Variants in DYM observed in about 807,000 individuals in gnomAD.
DYM encodes the protein dymeclin.
DYM carries 78 observed loss-of-function variants against 93.1 expected under a neutral mutation model. The observed-to-expected ratio is 0.84, with a 90% CI of 0.70 to 1.01. The LOEUF is 1.01. DYM is among the 50% of genes least tolerant of loss of function. The pLI, the probability that DYM is intolerant of heterozygous loss-of-function variation, is 0.00. For missense variants in DYM, 789 were observed against 845.0 expected (o/e 0.93, Z 0.82); for synonymous variants, 321 against 319.7 (o/e 1.00, Z -0.04).
chr18:49,180,122 C>A (rs1318140978), intron 14 of DYM, among the ~76,000 whole-genome samples: 1 of 151,946 alleles, frequency 6.6e-6, no homozygotes, highest in Non-Finnish European at 1.5e-5. Flanking sequence ...AACAAACAGT[C>A]CCAGATTAAA....
At chr18:49,411,057 G>A (rs1169097402) in intron 2 of DYM, among the ~76,000 whole-genome samples, 2 of 152,066 alleles carry the variant, frequency 1.3e-5, no homozygotes, top group South Asian at 2.1e-4. Context: ...GAAGTTGACC[G>A]AGGAAATGGG....
At chr18:49,140,863 T>C (rs957250690) in intron 15 of DYM, among the ~76,000 whole-genome samples, 2 of 152,228 alleles carry the variant, frequency 1.3e-5, no homozygotes, top group African/African-American at 4.8e-5. Flanking sequence ...CTTGTCAGTT[T>C]ATACTATTCA....
intron 17 of DYM, among the ~76,000 whole-genome samples, chr18:49,046,273 GAC>G (rs56961868): frequency 0.53 from 78,004 of 147,222 alleles, 23,144 homozygotes; most frequent in Admixed American, 0.67. Context: ...CATATACACA[GAC>G]ACAGACAACA....
At chr18:49,161,787 G>A (rs1474307248) in intron 15 of DYM, among the ~76,000 whole-genome samples, 1 of 152,182 alleles carries the variant, frequency 6.6e-6, no homozygotes, top group Non-Finnish European at 1.5e-5. Flanking sequence ...GGCTGTGGCT[G>A]CACACAGCTA....
intron 14 of DYM, among the ~76,000 whole-genome samples, chr18:49,205,479 TATAAC>T (rs1388454640): frequency 1.2e-4 from 18 of 152,224 alleles, no homozygotes; most frequent in African/African-American, 2.4e-4. Context: ...AAAAAATACA[TATAAC>T]ATAACTATAA....
chr18:49,349,501 T>C (rs2147138672), intron 6 of DYM, among the ~76,000 whole-genome samples: 1 of 152,226 alleles, frequency 6.6e-6, no homozygotes, highest in East Asian at 1.9e-4. Flanking sequence ...CAAAGTGCAA[T>C]TAGGTCAACT....
At chr18:49,137,626 T>C (rs1487775671) in intron 15 of DYM, among the ~76,000 whole-genome samples, 3 of 152,168 alleles carry the variant, frequency 2.0e-5, no homozygotes, top group Admixed American at 2.0e-4. Context: ...TAGCATTGGA[T>C]AAAGGGTGGC....
intron 11 of DYM, among the ~76,000 whole-genome samples, chr18:49,264,890 G>C (rs948959751): frequency 2.0e-5 from 3 of 152,092 alleles, no homozygotes; most frequent in Non-Finnish European, 4.4e-5. Context: ...TCTATAATCT[G>C]GAGAACAGAA....
At chr18:49,210,048 T>C (rs1365742097) in intron 13 of DYM, among the ~76,000 whole-genome samples, 2 of 152,224 alleles carry the variant, frequency 1.3e-5, no homozygotes, top group African/African-American at 4.8e-5. Flanking sequence ...ATCCAGAGCA[T>C]GGATTACACC....
At chr18:49,432,329 C>CAAAAAAA (rs11429840) in intron 1 of DYM, among the ~76,000 whole-genome samples, 43 of 75,794 alleles carry the variant, frequency 5.7e-4, no homozygotes, top group Non-Finnish European at 8.9e-4. Flanking sequence ...AAGACTGTCT[C>CAAAAAAA]AAAAAAAAAA....
At chr18:49,161,123 A>C (rs2087067585) in intron 15 of DYM, among the ~76,000 whole-genome samples, 1 of 152,138 alleles carries the variant, frequency 6.6e-6, no homozygotes, top group African/African-American at 2.4e-5. Context: ...GACAGATTCC[A>C]AATGGAATTT....
At chr18:49,289,737 A>ATG (rs2059930321) in intron 8 of DYM, among the ~76,000 whole-genome samples, 3 of 21,382 alleles carry the variant, frequency 1.4e-4, no homozygotes, top group African/African-American at 2.9e-4. Context: ...GTATATATAT[A>ATG]TATATATATA....
In DYM at chr18:49,043,754, G is replaced by A; in HGVS notation, c.*301C>T. The A allele has an allele frequency of 2.5e-6, 1 of 405,510 alleles. No individual in the cohort carries two copies. Among genetic ancestry groups the A allele is most frequent in the South Asian group, 2.3e-5 (1 of 43,162 alleles). 25.1% of individuals were successfully genotyped at this position (405,510 alleles called of 1,614,324 possible). On this transcript the variant is annotated 3_prime_UTR_variant, in exon 18 of 18. Transcript: ENST00000675505. ...GAAGTGTGATGTGCCTAAGGCAACA[G>A]GATCTTGGGAAAGCTCTAGATTTTT...
rs373754234 is a variant in DYM, at chr18:49,414,635, G to A, written c.140+15620C>T. On this transcript the variant is annotated intron_variant, in intron 2 of 17. Coordinates refer to ENST00000675505, the MANE Select transcript of DYM (RefSeq NM_001353214.3). Reference sequence around the variant, plus strand: ...CTTCCACTTCAGCCTCTTTACACTCGCTGCCCCTCTACCTGGAATACTCTC... The same window carrying A: ...CTTCCACTTCAGCCTCTTTACACTCACTGCCCCTCTACCTGGAATACTCTC... Among the ~76,000 whole-genome samples, 122 of 152,150 alleles carry A rather than the reference G, an allele frequency of 8.0e-4. 1 individual carries two copies. The highest frequency in any genetic ancestry group is 2.7e-3 in the African/African-American group (112 of 41,502).
At chr18:49,191,919 T>C (rs1008446011) in intron 14 of DYM, among the ~76,000 whole-genome samples, 6 of 152,038 alleles carry the variant, frequency 3.9e-5, no homozygotes, top group Non-Finnish European at 5.9e-5. Context: ...ACTGCTTTAA[T>C]AGCTTTCTAA....
At chr18:49,438,884 A>T (rs542203104) in intron 1 of DYM, among the ~76,000 whole-genome samples, 49 of 152,336 alleles carry the variant, frequency 3.2e-4, no homozygotes, top group Non-Finnish European at 4.9e-4. Flanking sequence ...ACACACGCAC[A>T]ATCGTCGGCT....
chr18:49,138,170 A>T (rs930835915), intron 15 of DYM, among the ~76,000 whole-genome samples: 9 of 152,198 alleles, frequency 5.9e-5, no homozygotes, highest in African/African-American at 2.2e-4. Context: ...GTTATTATTC[A>T]ATAGTCACTG....
chr18:49,237,990 A>C (rs1388503174), intron 13 of DYM, among the ~76,000 whole-genome samples: 2 of 151,482 alleles, frequency 1.3e-5, no homozygotes, highest in Non-Finnish European at 2.9e-5. Context: ...GTTGTTCCTA[A>C]TCTTTTGCTA....
intron 8 of DYM, among the ~76,000 whole-genome samples, chr18:49,315,817 A>G (rs577979): frequency 0.72 from 109,796 of 152,024 alleles, 39,725 homozygotes; most frequent in South Asian, 0.76. Flanking sequence ...CATCTCAGTG[A>G]TAACCATATA....
Sources: gnomAD v4.1 joint callset for allele counts (sites outside exome capture counted in the v4.1 genomes callset) on GRCh38, gnomAD v4.1.1 for gene constraint, MANE v1.5 for transcripts, NCBI Gene and HGNC (gene_info 2026-07-23, HGNC 2026-07-21) for gene names.